GPN1: variants seen among roughly 807,000 people sequenced by gnomAD.
The protein encoded by GPN1 is ATP(GTP)-binding protein.
In GPN1, 44 loss-of-function variants were observed where a neutral mutation model predicts 55.9. The ratio of observed to expected loss-of-function variants is 0.79; its 90% confidence interval spans 0.62 to 1.01. GPN1 has a LOEUF of 1.01. GPN1 is among the 50% of genes least tolerant of loss of function. The probability of loss-of-function intolerance (pLI) is 0.00; values close to 1 mark genes in which losing one functional copy is unlikely to be tolerated. For missense variants in GPN1, 466 were observed against 462.8 expected, an observed-to-expected ratio of 1.01 and a Z score of -0.06; for synonymous variants, 179 against 162.5, an observed-to-expected ratio of 1.10 and a Z score of -0.77.
Position 27,644,723 on chromosome 2 carries a change from G to GTTT in GPN1, c.931+2222_931+2224dup, listed in dbSNP as rs1297764271. On this transcript the variant is annotated intron_variant, in intron 12 of 13. Coordinates refer to ENST00000610189, the MANE Select transcript of GPN1 (RefSeq NM_007266.4). ...CTTAGTGAGTTTTTTTTTTGGTAGT[G>GTTT]TTTTTTTTTTTTTTTTTTTTACAGA... Among the ~76,000 whole-genome samples the GTTT allele has an allele frequency of 4.6e-3, 465 of 101,720 alleles. 19 individuals carry two copies. Among genetic ancestry groups the GTTT allele is most frequent in the African/African-American group, 0.016 (412 of 25,804 alleles). The allele number at this position is 101,720 out of a possible 152,430, so 66.7% of individuals were successfully genotyped here.
rs1465508767 is a variant in GPN1 at position 27,643,268 on chromosome 2, CAT to C, written c.931+751_931+752del. On this transcript the variant is annotated intron_variant, in intron 12 of 13. Coordinates refer to ENST00000610189, the MANE Select transcript of GPN1 (RefSeq NM_007266.4). This position sits in a 1 kb window ranked among gnomAD's most constrained non-coding sequence, Gnocchi z 4.0. Reference sequence around the variant, plus strand: ...TTACATGAATAATACAAATAATTGCCATAATTATTCTATCAGATTCCCAAAAT... The same window carrying C: ...TTACATGAATAATACAAATAATTGCCAATTATTCTATCAGATTCCCAAAAT... Among the ~76,000 whole-genome samples the C allele has an allele frequency of 6.6e-6, 1 of 150,796 alleles. No homozygotes were observed. Among genetic ancestry groups the C allele is most frequent in the African/African-American group, 2.4e-5 (1 of 41,082 alleles).
At chr2:27,628,996 A>G (rs2148059116), upstream of GPN1, 3 of 1,608,358 alleles carry the variant, frequency 1.9e-6, no homozygotes, top group Non-Finnish European at 2.5e-6. Context: ...AGCCCAGAAC[A>G]TTGCGGAAGT....
chr2:27,649,176 C>T (rs6729269), intron 13 of GPN1, among the ~76,000 whole-genome samples: 12,891 of 151,014 alleles, frequency 0.085, 1,643 homozygotes, highest in African/African-American at 0.28. Flanking sequence ...ACCTGGGAGG[C>T]GGAGGCTGCA....
rs1275057975 is a variant in GPN1, at chr2:27,643,203, T to C, written c.931+684T>C. On this transcript the variant is annotated intron_variant, in intron 12 of 13. Transcript: ENST00000610189. This position sits in a 1 kb window ranked among gnomAD's most constrained non-coding sequence, Gnocchi z 4.0. ...TTTTTTATAATTAAAAAAAATTTTTTTTTTTTTACAGTTTGACCTTAATTT... is the reference window on the plus strand; with the variant it reads ...TTTTTTATAATTAAAAAAAATTTTTCTTTTTTTACAGTTTGACCTTAATTT... Among the ~76,000 whole-genome samples the C allele has an allele frequency of 6.6e-6, 1 of 151,152 alleles. No homozygotes were observed. The highest frequency in any genetic ancestry group is 1.5e-5 in the Non-Finnish European group (1 of 67,778).
At chr2:27,628,357 C>A, upstream of GPN1, 1 of 1,521,806 alleles carries the variant, frequency 6.6e-7, no homozygotes, top group Non-Finnish European at 8.8e-7. Flanking sequence ...CCTTCAGTGA[C>A]TGGAGGGGAG....
chr2:27,628,296 T>G (rs535235572), upstream of GPN1: 4 of 1,184,040 alleles, frequency 3.4e-6, no homozygotes, highest in African/African-American at 3.1e-5. Flanking sequence ...TGGTCAGGAG[T>G]AGAAATAATT....
Position 27,629,091 on chromosome 2 carries a change from G to T in GPN1, c.33G>T (p.Gln11His), listed in dbSNP as rs145925702. The change falls in exon 1 of 14, where the codon CAG becomes CAT. Residue 11 changes from glutamine (Q) to histidine (H), a missense_variant. Coordinates refer to ENST00000610189, the MANE Select transcript of GPN1 (RefSeq NM_007266.4). MAASAAAAEL[Q>H]ASGGPRHPVC... ...CGTCCGCAGCTGCCGCTGAGCTCCA[G>T]GCTTCTGGGGGTCCGCGGCACCCAG... The T allele has an allele frequency of 2.5e-6, 4 of 1,614,136 alleles. No homozygotes were observed. In the African/African-American group the frequency reaches 5.3e-5, roughly 22 times the overall value.
intron 12 of GPN1, among the ~76,000 whole-genome samples, chr2:27,644,631 A>AT (rs2148081170): frequency 6.6e-6 from 1 of 150,614 alleles, no homozygotes; most frequent in Admixed American, 6.6e-5. Context: ...TATAAGGTAT[A>AT]TAAGTCGGTG....
At chr2:27,639,944 C>T (rs866045499) in intron 9 of GPN1, 99 bp from the exon 10 acceptor site, 3 of 854,856 alleles carry the variant, frequency 3.5e-6, no homozygotes, top group Middle Eastern at 2.3e-4. Flanking sequence ...AAATATAAAC[C>T]ACTCTTACTA....
upstream of GPN1, chr2:27,628,599 T>A (rs1184303302): frequency 6.4e-7 from 1 of 1,551,482 alleles, no homozygotes; most frequent in African/African-American, 1.4e-5. Context: ...TGCACCCTGC[T>A]CCAGTCCCGG....
At chr2:27,636,746 A>G (rs1299342724) in intron 7 of GPN1, among the ~76,000 whole-genome samples, 1 of 152,210 alleles carries the variant, frequency 6.6e-6, no homozygotes, top group Admixed American at 6.5e-5. Context: ...AAGTGCTGGG[A>G]ATACAGGCAT....
chr2:27,644,874 A>G (rs1558491894), intron 12 of GPN1, among the ~76,000 whole-genome samples: 3 of 151,966 alleles, frequency 2.0e-5, no homozygotes, highest in Non-Finnish European at 1.5e-5. Flanking sequence ...TGCTACGTGT[A>G]TAATGTTCCA....
intron 4 of GPN1, 99 bp from the exon 5 acceptor site, chr2:27,632,534 A>C: frequency 2.5e-6 from 2 of 790,318 alleles, no homozygotes; most frequent in South Asian, 2.8e-5. Flanking sequence ...TGAGGGATTC[A>C]GTAGGTGATA....
At chr2:27,632,723 G>A (rs1673599585) in intron 5 of GPN1, 53 bp downstream of exon 5, 1 of 1,166,962 alleles carries the variant, frequency 8.6e-7, no homozygotes, top group Non-Finnish European at 1.3e-6. Context: ...CATATTTCTA[G>A]GCTTCATGGA....
chr2:27,635,045 TA>T, intron 6 of GPN1, 94 bp from the exon 7 acceptor site: 1 of 965,894 alleles, frequency 1.0e-6, no homozygotes, highest in Non-Finnish European at 1.7e-6. Context: ...ACACCCTGCC[TA>T]AAGTGGTTTT....
intron 7 of GPN1, among the ~76,000 whole-genome samples, chr2:27,636,967 G>A (rs963137309): frequency 6.6e-6 from 1 of 152,122 alleles, no homozygotes; most frequent in South Asian, 2.1e-4. Flanking sequence ...ACAGGCATGA[G>A]TCACACCCCC....
chr2:27,640,868 TTC>T (rs1673918134), intron 10 of GPN1, among the ~76,000 whole-genome samples: 1 of 152,214 alleles, frequency 6.6e-6, no homozygotes. Context: ...TCTGTATCCT[TTC>T]ACTGTTGTTG....
At position 27,650,459 on chromosome 2, in the gene GPN1, C is replaced by G. The variant is rs8731; in HGVS notation, c.*259C>G. The G allele has an allele frequency of 0.24, 53,442 of 221,554 alleles. 7,788 individuals are homozygous for G. The highest frequency in any genetic ancestry group is 0.55 in the East Asian group (6,186 of 11,250). 13.7% of individuals were successfully genotyped at this position (221,554 alleles called of 1,614,324 possible). On this transcript the variant is annotated 3_prime_UTR_variant, in exon 14 of 14. Coordinates refer to ENST00000610189, the MANE Select transcript of GPN1 (RefSeq NM_007266.4). ...AGGAAGGATATACTGAGCTGATACT[C>G]TTCCAAGCCTACAACTTCAAGTTTT...
chr2:27,632,592 T>C (rs1572952158), intron 4 of GPN1, 41 bp from the exon 5 acceptor site: 1 of 1,469,642 alleles, frequency 6.8e-7, no homozygotes, highest in East Asian at 2.3e-5. Context: ...GATTTTGTGT[T>C]GAAATCGGAA....
Sources: allele counts gnomAD v4.1 joint callset (sites outside exome capture counted in the v4.1 genomes callset), GRCh38; gene constraint gnomAD v4.1.1; non-coding constraint Gnocchi (gnomAD v3.1); transcripts MANE v1.5; gene names NCBI Gene and HGNC (gene_info 2026-07-23, HGNC 2026-07-21).